The following JPH2 variants were observed in gnomAD, a reference collection of about 807,000 sequenced individuals.
JPH2 encodes the protein junctophilin-2.
A neutral mutation model predicts 55.9 loss-of-function variants in JPH2; 38 were observed. The observed-to-expected ratio is 0.68, with a 90% confidence interval of 0.52 to 0.89. The LOEUF is 0.89. Ranked by LOEUF, JPH2 falls within the 40% of genes least tolerant of loss-of-function variation. The pLI, the probability that JPH2 is intolerant of heterozygous loss-of-function variation, is 0.00. For missense variants in JPH2, 964 were observed against 1,037.6 expected, an observed-to-expected ratio of 0.93 and a Z score of 0.97; for synonymous variants, 480 against 472.4, an observed-to-expected ratio of 1.02 and a Z score of -0.21.
At position 44,159,492 on chromosome 20, in the gene JPH2, C is replaced by A; in HGVS notation, c.1169+126G>T. ...AGCTCCCGAAGAGCCTCCAATTAAC[C>A]CCTGAAGGTGATGGGGGTAAAAGAA... is the stretch of plus-strand genomic sequence containing the variant. On this transcript the variant is annotated intron_variant, in intron 2 of 5. Coordinates refer to ENST00000372980, the MANE Select transcript of JPH2 (RefSeq NM_020433.5). The surrounding 1 kb of genome is among the most constrained non-coding windows in gnomAD (Gnocchi z 5.7). 1 of 982,538 alleles carries A rather than the reference C, an allele frequency of 1.0e-6. No individual in the cohort carries two copies. The highest frequency in any genetic ancestry group is 1.5e-6 in the Non-Finnish European group (1 of 657,754). 60.9% of individuals were successfully genotyped at this position (982,538 alleles called of 1,614,324 possible). A position where few individuals can be genotyped will look rare whatever the true frequency, so the allele number is the denominator to read the frequency against.
At chr20:44,137,830 G>T (rs932717060) in intron 2 of JPH2, among the ~76,000 whole-genome samples, 4 of 152,046 alleles carry the variant, frequency 2.6e-5, no homozygotes, top group Non-Finnish European at 5.9e-5. Flanking sequence ...CTAAATACTG[G>T]CTTTCCTTCT....
At chr20:44,114,694 G>A (rs545223668) in intron 5 of JPH2, 88 bp downstream of exon 5, 15 of 921,428 alleles carry the variant, frequency 1.6e-5, no homozygotes, top group East Asian at 7.9e-5. Context: ...TCCAAGTACC[G>A]AGTAGGTCCC....
rs1399409067 is a variant in JPH2 at position 44,108,725 on chromosome 20, CAT to C, written c.*4791_*4792del. On this transcript the variant is annotated 3_prime_UTR_variant, in exon 6 of 6. Transcript: ENST00000372980. ...GGAGTGAATGGTGAATGTTCTGACA[CAT>C]GAGGTGCCCTGGCATCTGTTGCCGT... 6.6e-6 allele frequency among the ~76,000 whole-genome samples: 1 copy of C among 152,014 alleles called. No individual in the cohort carries two copies. Among genetic ancestry groups the C allele is most frequent in the African/African-American group, 2.4e-5 (1 of 41,380 alleles).
chr20:44,186,369 C>T lies in JPH2; in HGVS notation c.337G>A (p.Gly113Ser). Residue 113 changes from glycine (G) to serine (S), a missense_variant, in exon 1 of 6, where the codon GGC (glycine) becomes AGC (serine). Physicochemically the swap from Gly to Ser is moderately conservative, Grantham distance 56 (BLOSUM62 0). Coordinates refer to ENST00000372980, the MANE Select transcript of JPH2 (RefSeq NM_020433.5). ...GAKYEGTWNN[G>S]LQDGYGTETY... The stretch of plus-strand genomic sequence containing the variant: ...TCGGTGCCATAGCCGTCTTGCAGGC[C>T]ATTGTTCCAGGTGCCCTCATACTTG... 7.4e-6 allele frequency: 12 copies of T among 1,612,890 alleles called. No homozygotes were observed. Among genetic ancestry groups the T allele is most frequent in the Non-Finnish European group, 1.0e-5 (12 of 1,179,830 alleles).
intron 5 of JPH2, among the ~76,000 whole-genome samples, chr20:44,113,755 C>T (rs973241461): frequency 6.6e-6 from 1 of 152,222 alleles, no homozygotes; most frequent in African/African-American, 2.4e-5. Flanking sequence ...GCACTCATCT[C>T]TTCCCTCTTC....
At chr20:44,135,856 A>G (rs777011683) in intron 2 of JPH2, among the ~76,000 whole-genome samples, 15 of 152,206 alleles carry the variant, frequency 9.9e-5, no homozygotes, top group Non-Finnish European at 1.6e-4. Context: ...TCAATTTTCA[A>G]TCATTGAGAG....
At position 44,159,189 on chromosome 20, in the gene JPH2, G is replaced by C. The variant is rs1175215583; in HGVS notation, c.1169+429C>G. 5.9e-5 allele frequency among the ~76,000 whole-genome samples: 9 copies of C among 152,120 alleles called. No homozygotes were observed. The highest frequency in any genetic ancestry group is 2.2e-4 in the African/African-American group (9 of 41,414). On this transcript the variant is annotated intron_variant, in intron 2 of 5. Transcript: ENST00000372980. The surrounding 1 kb of genome is among the most constrained non-coding windows in gnomAD (Gnocchi z 5.7). ...TGGAGGTGGGTGTGTGGGTGGAGGG[G>C]TTGTTCAGTGAGTGTTAGAGAAGTT...
At position 44,109,842 on chromosome 20, in the gene JPH2, C is replaced by T. The variant is rs2072129600; in HGVS notation, c.*3676G>A. ...GGGTCCATCAGATTATGAAACTTCC[C>T]TTCTTGCCCGAATCCCAAATCTGAC... is the stretch of plus-strand genomic sequence containing the variant. On this transcript the variant is annotated 3_prime_UTR_variant, in exon 6 of 6. Transcript: ENST00000372980. Among the ~76,000 whole-genome samples the T allele has an allele frequency of 6.6e-6, 1 of 152,142 alleles. No individual in the cohort carries two copies. The highest frequency in any genetic ancestry group is 1.5e-5 in the Non-Finnish European group (1 of 68,030).
At chr20:44,126,209 G>C (rs1380865629) in intron 2 of JPH2, among the ~76,000 whole-genome samples, 1 of 122,316 alleles carries the variant, frequency 8.2e-6, no homozygotes, top group Non-Finnish European at 1.8e-5. Context: ...GAAGGAAGAA[G>C]GGGGGGAGGG....
At position 44,177,457 on chromosome 20, in the gene JPH2, A is replaced by G. The variant is rs41279276; in HGVS notation, c.379+8870T>C. 2.0e-4 allele frequency: 194 copies of G among 992,590 alleles called. 1 individual carries two copies. In the African/African-American group the frequency reaches 3.1e-3, roughly 16 times the overall value. 61.5% of individuals were successfully genotyped at this position (992,590 alleles called of 1,614,324 possible). On this transcript the variant is annotated intron_variant, in intron 1 of 5. Transcript: ENST00000372980. ...TGCAGAGATTTGGCCAATCGGGCAC[A>G]TGAATCACTGAAAACAAGGCCGTGG...
At chr20:44,141,057 G>A (rs1269642655) in intron 2 of JPH2, among the ~76,000 whole-genome samples, 1 of 152,158 alleles carries the variant, frequency 6.6e-6, no homozygotes, top group Non-Finnish European at 1.5e-5. Flanking sequence ...CAGTGAAGGG[G>A]CTAGAGATGT....
chr20:44,171,731 A>G (rs1251982310), intron 1 of JPH2, among the ~76,000 whole-genome samples: 2 of 151,990 alleles, frequency 1.3e-5, no homozygotes, highest in East Asian at 1.9e-4. Flanking sequence ...CTCAAACATC[A>G]CTTCCTCAAG....
At chr20:44,171,787 A>C (rs1379739495) in intron 1 of JPH2, among the ~76,000 whole-genome samples, 1 of 152,214 alleles carries the variant, frequency 6.6e-6, no homozygotes, top group Non-Finnish European at 1.5e-5. Flanking sequence ...CCCTGTTATC[A>C]GTTCATAAAT....
chr20:44,135,133 C>A (rs192386382), intron 2 of JPH2, among the ~76,000 whole-genome samples: 1 of 151,378 alleles, frequency 6.6e-6, no homozygotes, highest in South Asian at 2.1e-4. Flanking sequence ...TAGATGCTAA[C>A]CCCGGATGTA....
rs1437412155 is a variant in JPH2 at position 44,107,512 on chromosome 20, C to T, written c.*6006G>A. Among the ~76,000 whole-genome samples the T allele has an allele frequency of 6.6e-6, 1 of 152,206 alleles. No homozygotes were observed. Among genetic ancestry groups the T allele is most frequent in the Admixed American group, 6.5e-5 (1 of 15,274 alleles). On this transcript the variant is annotated 3_prime_UTR_variant, in exon 6 of 6. Transcript: ENST00000372980. ...AAAGTTTTTAGGAAGCAAATTCCAT[C>T]CTCCATACTCTCTTTCCTTTTCCTT...
chr20:44,163,640 G>A (rs1289887490), intron 1 of JPH2, among the ~76,000 whole-genome samples: 1 of 152,232 alleles, frequency 6.6e-6, no homozygotes, highest in Non-Finnish European at 1.5e-5. Context: ...GATCTGAGAG[G>A]TTAAGCAATT....
At chr20:44,133,899 TATAAATAAATATAC>T (rs1311019396) in intron 2 of JPH2, among the ~76,000 whole-genome samples, 111 of 25,726 alleles carry the variant, frequency 4.3e-3, no homozygotes, top group Middle Eastern at 0.018. Context: ...TATAAATATA[TATAAATAAATATAC>T]ATTATAATAT....
In JPH2 at chr20:44,114,786, T is replaced by C; in HGVS notation, c.*10A>G. On this transcript the variant is annotated 3_prime_UTR_variant, in exon 5 of 6. Coordinates refer to ENST00000372980, the MANE Select transcript of JPH2 (RefSeq NM_020433.5). ...CCTCCAGCCAGCTGGCTGCACCTGG[T>C]AAGCGACGGTCAGGTCAGGAGGTGA... The C allele has an allele frequency of 1.9e-6, 3 of 1,596,200 alleles. No individual in the cohort carries two copies. Among genetic ancestry groups the C allele is most frequent in the South Asian group, 1.1e-5 (1 of 87,562 alleles).
chr20:44,181,110 CA>C lies in JPH2; in HGVS notation c.379+5216del, dbSNP rs1344541528. On this transcript the variant is annotated intron_variant, in intron 1 of 5. Transcript: ENST00000372980. ...GAGGCCAGAGCTCCTGCACCAGCCC[CA>C]CCTTCCCCTTCCCATGCGAGAGCTG... Among the ~76,000 whole-genome samples the C allele has an allele frequency of 2.6e-5, 4 of 152,076 alleles. No homozygotes were observed. The East Asian group carries it at 7.7e-4, about 29-fold the overall frequency.
Sources: allele counts gnomAD v4.1 joint callset (sites outside exome capture counted in the v4.1 genomes callset), GRCh38; gene constraint gnomAD v4.1.1; non-coding constraint Gnocchi (gnomAD v3.1); transcripts MANE v1.5; gene names NCBI Gene and HGNC (gene_info 2026-07-23, HGNC 2026-07-21).